The following CCDC134 variants were observed in gnomAD, a reference collection of about 807,000 sequenced individuals.
The protein encoded by CCDC134 is coiled-coil domain-containing protein 134.
CCDC134 carries 27 observed loss-of-function variants against 25.6 expected under a neutral mutation model. The observed-to-expected ratio is 1.05, with a 90% CI of 0.78 to 1.45. The LOEUF is 1.45. Ranked by LOEUF, CCDC134 falls within the 40% of genes most tolerant of loss-of-function variation. The pLI is 0.00. For missense variants in CCDC134, 261 were observed against 286.7 expected (o/e 0.91, Z 0.65); for synonymous variants, 110 against 115.0 (o/e 0.96, Z 0.28).
chr22:41,808,548 C>T (rs2076579039), intron 1 of CCDC134, among the ~76,000 whole-genome samples: 1 of 152,180 alleles, frequency 6.6e-6, no homozygotes, highest in Non-Finnish European at 1.5e-5. Flanking sequence ...AAGGCTGAGG[C>T]TCAGAAAGGC....
intron 1 of CCDC134, among the ~76,000 whole-genome samples, chr22:41,805,107 A>G (rs9619997): frequency 0.29 from 43,580 of 152,048 alleles, 6,854 homozygotes; most frequent in Non-Finnish European, 0.36. Context: ...GTCTTACTGG[A>G]CTTTTGCAAA....
intron 6 of CCDC134, among the ~76,000 whole-genome samples, chr22:41,815,642 G>T (rs927685744): frequency 9.9e-5 from 15 of 151,888 alleles, no homozygotes; most frequent in African/African-American, 3.4e-4. Flanking sequence ...GCAGGGTAAG[G>T]CCAACCTACA....
Position 41,831,036 on chromosome 22 carries a change from C to G in CCDC134, c.*5213C>G, listed in dbSNP as rs550910641. ...GAGTAGCTGGGATTACAGGCATGCA[C>G]CATCACGCCTGGCTAATTTTTGTAT... On this transcript the variant is annotated 3_prime_UTR_variant, in exon 7 of 7. Coordinates refer to ENST00000255784, the MANE Select transcript of CCDC134 (RefSeq NM_024821.5). 2.0e-5 allele frequency among the ~76,000 whole-genome samples: 3 copies of G among 152,030 alleles called. No homozygotes were observed. The highest frequency in any genetic ancestry group is 7.2e-5 in the African/African-American group (3 of 41,454).
chr22:41,812,306 C>T (rs1472106125), intron 4 of CCDC134, among the ~76,000 whole-genome samples: 1 of 151,752 alleles, frequency 6.6e-6, no homozygotes, highest in Non-Finnish European at 1.5e-5. Flanking sequence ...CCTGTAATCC[C>T]AGCTACTCGG....
At position 41,829,740 on chromosome 22, in the gene CCDC134, A is replaced by AC. The variant is rs1159146838; in HGVS notation, c.*3920dup. The stretch of plus-strand genomic sequence containing the variant: ...TGGTAGATATCGAAACATAGTGGTT[A>AC]CCCAGTCTAATCCATCCCTTTTCTT... On this transcript the variant is annotated 3_prime_UTR_variant, in exon 7 of 7. Coordinates refer to ENST00000255784, the MANE Select transcript of CCDC134 (RefSeq NM_024821.5). Among the ~76,000 whole-genome samples, 1 of 152,222 alleles carries AC rather than the reference A, an allele frequency of 6.6e-6. No homozygotes were observed. The highest frequency in any genetic ancestry group is 1.9e-4 in the East Asian group (1 of 5,186).
At chr22:41,813,486 G>A (rs765845212) in intron 5 of CCDC134, 41 bp downstream of exon 5, 19 of 1,606,744 alleles carry the variant, frequency 1.2e-5, no homozygotes, top group Middle Eastern at 1.7e-4. Flanking sequence ...CCCTCTGTCG[G>A]GTAGTGGACT....
chr22:41,830,414 G>A lies in CCDC134; in HGVS notation c.*4591G>A, dbSNP rs1365013230. Among the ~76,000 whole-genome samples the A allele has an allele frequency of 6.6e-6, 1 of 152,176 alleles. No homozygotes were observed. The highest frequency in any genetic ancestry group is 1.5e-5 in the Non-Finnish European group (1 of 68,042). On this transcript the variant is annotated 3_prime_UTR_variant, in exon 7 of 7. Transcript: ENST00000255784. ...GTCACTGAGGTTCTGGGTTGTGGGGGGTGCCCTGGGCCAGAGTGAGTTGTA... is the reference window on the plus strand; with the variant it reads ...GTCACTGAGGTTCTGGGTTGTGGGGAGTGCCCTGGGCCAGAGTGAGTTGTA...
intron 1 of CCDC134, among the ~76,000 whole-genome samples, chr22:41,802,429 G>A (rs1452826339): frequency 2.0e-5 from 3 of 152,076 alleles, no homozygotes; most frequent in Non-Finnish European, 4.4e-5. Flanking sequence ...CAAAACCCTT[G>A]TAGTGGTTGG....
rs1299444541 is a variant in CCDC134 at position 41,813,763 on chromosome 22, C to T, written c.505C>T (p.Leu169=). 1.2e-6 allele frequency: 2 copies of T among 1,614,002 alleles called. No individual in the cohort carries two copies. The highest frequency in any genetic ancestry group is 2.7e-5 in the African/African-American group (2 of 74,936). The change falls in exon 6 of 7, where the codon CTG becomes TTG. Residue 169 remains leucine (L), a synonymous_variant. Coordinates refer to ENST00000255784, the MANE Select transcript of CCDC134 (RefSeq NM_024821.5). ...SPILSLMAQE[L]GISEKDSNFQ... ...TCTTCATCTGCAGATGGCCCAGGAG[C>T]TGGGGATCAGTGAGAAAGACTCCAA...
intron 6 of CCDC134, among the ~76,000 whole-genome samples, chr22:41,820,405 T>C (rs1385642983): frequency 2.0e-5 from 3 of 152,144 alleles, no homozygotes; most frequent in Non-Finnish European, 4.4e-5. Context: ...ATTCAAGCGA[T>C]TCTCCTGCCT....
chr22:41,805,893 C>CAA (rs1224173941), intron 1 of CCDC134, among the ~76,000 whole-genome samples: 1 of 152,122 alleles, frequency 6.6e-6, no homozygotes, highest in East Asian at 1.9e-4. Context: ...GCCTGGATGA[C>CAA]AGAGTGAGAC....
chr22:41,829,826 T>C lies in CCDC134; in HGVS notation c.*4003T>C, dbSNP rs946551420. Among the ~76,000 whole-genome samples, 1 of 152,060 alleles carries C rather than the reference T, an allele frequency of 6.6e-6. No homozygotes were observed. Among genetic ancestry groups the C allele is most frequent in the African/African-American group, 2.4e-5 (1 of 41,394 alleles). On this transcript the variant is annotated 3_prime_UTR_variant, in exon 7 of 7. Coordinates refer to ENST00000255784, the MANE Select transcript of CCDC134 (RefSeq NM_024821.5). ...GTCTCACTTTGTTGCCTGCCTGGAG[T>C]GCAGTGGTGCGATCTCGGCTCACTG...
chr22:41,826,106 T>TCCCCCAGCA lies in CCDC134; in HGVS notation c.*283_*284insCCCCCAGCA. On this transcript the variant is annotated 3_prime_UTR_variant, in exon 7 of 7. Transcript: ENST00000255784. ...TGGGGGAGGCAGGAGGATGCCTGCCTGGACCCTGTTGGTGGCTGAAGACCT... is the reference window on the plus strand; with the variant it reads ...TGGGGGAGGCAGGAGGATGCCTGCCTCCCCCAGCAGGACCCTGTTGGTGGCTGAAGACCT... The TCCCCCAGCA allele has an allele frequency of 3.5e-6, 1 of 287,246 alleles. No individual in the cohort carries two copies. Among genetic ancestry groups the TCCCCCAGCA allele is most frequent in the Non-Finnish European group, 6.8e-6 (1 of 147,554 alleles). 17.8% of individuals were successfully genotyped at this position (287,246 alleles called of 1,614,324 possible).
rs1569361570 is a variant in CCDC134 at position 41,830,890 on chromosome 22, T to TC, written c.*5067_*5068insC. ...TTATTTTTTCTTTTCTTTTCTTTTT[T>TC]TTTTTTTTTTTTTTTTGAGACGCAG... On this transcript the variant is annotated 3_prime_UTR_variant, in exon 7 of 7. Coordinates refer to ENST00000255784, the MANE Select transcript of CCDC134 (RefSeq NM_024821.5). 7.3e-6 allele frequency among the ~76,000 whole-genome samples: 1 copy of TC among 137,344 alleles called. No homozygotes were observed. The highest frequency in any genetic ancestry group is 1.6e-5 in the Non-Finnish European group (1 of 64,140). 90.1% of individuals were successfully genotyped at this position (137,344 alleles called of 152,430 possible).
intron 3 of CCDC134, 28 bp downstream of exon 3, chr22:41,810,028 G>A (rs771277170): frequency 6.2e-7 from 1 of 1,613,242 alleles, no homozygotes; most frequent in South Asian, 1.1e-5. Flanking sequence ...GCAGCTCATG[G>A]CAGGTCCAGT....
chr22:41,806,920 A>C (rs2076570261), intron 1 of CCDC134, among the ~76,000 whole-genome samples: 1 of 152,036 alleles, frequency 6.6e-6, no homozygotes, highest in South Asian at 2.1e-4. Context: ...GGTGGCAGGC[A>C]ACTGTAATCC....
At chr22:41,816,850 G>A (rs1014777888) in intron 6 of CCDC134, among the ~76,000 whole-genome samples, 1 of 152,044 alleles carries the variant, frequency 6.6e-6, no homozygotes, top group African/African-American at 2.4e-5. Context: ...CCCAGGAGGC[G>A]GAGACTGCAG....
chr22:41,811,148 C>T lies in CCDC134; in HGVS notation c.310+857C>T, dbSNP rs542207402. Among the ~76,000 whole-genome samples the T allele has an allele frequency of 7.2e-5, 11 of 152,280 alleles. 2 individuals are homozygous for T. In the South Asian group the frequency reaches 2.1e-3, roughly 29 times the overall value. On this transcript the variant is annotated intron_variant, in intron 4 of 6. Coordinates refer to ENST00000255784, the MANE Select transcript of CCDC134 (RefSeq NM_024821.5). ...TCTGACAGGCTGGCTCCAATAGGGA[C>T]TGCTTAGACCTGTTTACACAGTTAC...
At position 41,831,042 on chromosome 22, in the gene CCDC134, C is replaced by T. The variant is rs183481606; in HGVS notation, c.*5219C>T. 6.0e-4 allele frequency among the ~76,000 whole-genome samples: 91 copies of T among 152,030 alleles called. No individual in the cohort carries two copies. Among genetic ancestry groups the T allele is most frequent in the African/African-American group, 2.1e-3 (89 of 41,478 alleles). ...CTGGGATTACAGGCATGCACCATCA[C>T]GCCTGGCTAATTTTTGTATTTTTAG... On this transcript the variant is annotated 3_prime_UTR_variant, in exon 7 of 7. Coordinates refer to ENST00000255784, the MANE Select transcript of CCDC134 (RefSeq NM_024821.5).
Sources: allele counts gnomAD v4.1 joint callset (sites outside exome capture counted in the v4.1 genomes callset), GRCh38; gene constraint gnomAD v4.1.1; transcripts MANE v1.5; gene names NCBI Gene and HGNC (gene_info 2026-07-23, HGNC 2026-07-21).